Variants in ZNF805 observed in about 807,000 individuals in gnomAD.
The protein encoded by ZNF805 is zinc finger protein 805.
ZNF805 carries 7 observed loss-of-function variants against 13.6 expected under a neutral mutation model. That is an observed-to-expected ratio of 0.51 (90% confidence interval 0.29 to 0.97). The LOEUF (loss-of-function observed/expected upper bound fraction) is 0.97, where lower values mean the gene tolerates loss of function less well. Among genes scored for constraint, ZNF805 ranks in the 50% least tolerant of loss-of-function variants. The probability of loss-of-function intolerance (pLI) is 0.08; values close to 1 mark genes in which losing one functional copy is unlikely to be tolerated. For synonymous variants in ZNF805, 293 were observed against 279.8 expected (o/e 1.05, Z -0.47); for missense variants, 604 against 771.0 (o/e 0.78, Z 2.57).
intron 2 of ZNF805, among the ~76,000 whole-genome samples, chr19:57,245,977 C>G (rs1025513099): frequency 6.6e-6 from 1 of 152,222 alleles, no homozygotes; most frequent in African/African-American, 2.4e-5. Context: ...GACACTACAT[C>G]AGCTGGTGCT....
chr19:57,242,246 C>T (rs898929721), intron 1 of ZNF805, among the ~76,000 whole-genome samples: 8 of 152,228 alleles, frequency 5.3e-5, no homozygotes, highest in Non-Finnish European at 1.2e-4. Flanking sequence ...AGACAGTTGG[C>T]TGAGAAGCCC....
Position 57,254,407 on chromosome 19 carries a change from T to A in ZNF805, c.1588T>A (p.Ser530Thr). ...FCWSTNLIRH[S>T]IIHTGEKPYE... ...CTGGAGCACAAACCTCATTCGACAC[T>A]CTATCATCCACACTGGAGAGAAGCC... The change falls in exon 4 of 4, where the codon TCT becomes ACT. Residue 530 changes from serine to threonine, a missense_variant. Physicochemically the swap from Ser to Thr is moderately conservative, Grantham distance 58. Around this residue, in one of 3 missense-constraint regions of ZNF805, gnomAD observed 228 missense variants for 352.8 expected, o/e 0.65. Transcript: ENST00000414468. 6.2e-7 allele frequency: 1 copy of A among 1,613,760 alleles called. No individual in the cohort carries two copies.
chr19:57,249,103 G>A (rs1416438107), intron 3 of ZNF805, among the ~76,000 whole-genome samples: 1 of 152,150 alleles, frequency 6.6e-6, no homozygotes, highest in Non-Finnish European at 1.5e-5. Context: ...GGGTCAGCAG[G>A]GAACTCTGTA....
At chr19:57,244,199 CTT>C (rs1200854107) in intron 2 of ZNF805, 150 bp downstream of exon 2, 13,489 of 286,750 alleles carry the variant, frequency 0.047, no homozygotes, top group East Asian at 0.075. Flanking sequence ...TCACCTCTTC[CTT>C]TTTTTTTTTT....
Position 57,256,143 on chromosome 19 carries a change from A to G in ZNF805, c.*1440A>G, listed in dbSNP as rs1447303027. 6.6e-6 allele frequency among the ~76,000 whole-genome samples: 1 copy of G among 152,084 alleles called. No homozygotes were observed. The highest frequency in any genetic ancestry group is 6.5e-5 in the Admixed American group (1 of 15,274). ...TGATGTGTTACCTTGATTGAGTTTCAAGTATTGAACCAGCCTCACATCTTT... is the reference window on the plus strand; with the variant it reads ...TGATGTGTTACCTTGATTGAGTTTCGAGTATTGAACCAGCCTCACATCTTT... On this transcript the variant is annotated 3_prime_UTR_variant, in exon 4 of 4. Transcript: ENST00000414468.
chr19:57,244,974 G>A (rs7260474), intron 2 of ZNF805, among the ~76,000 whole-genome samples: 27,568 of 151,676 alleles, frequency 0.18, 2,588 homozygotes, highest in African/African-American at 0.22. Context: ...GTTCCAGAGC[G>A]GGATCTGCCT....
At chr19:57,245,636 G>T (rs537067649) in intron 2 of ZNF805, among the ~76,000 whole-genome samples, 2 of 149,988 alleles carry the variant, frequency 1.3e-5, no homozygotes, top group African/African-American at 4.9e-5. Flanking sequence ...AAAATTAGCC[G>T]GGCGTGGTGG....
rs2087722978 is a variant in ZNF805, at chr19:57,261,376, G to C, written c.*6673G>C. On this transcript the variant is annotated 3_prime_UTR_variant, in exon 4 of 4. Transcript: ENST00000414468. ...GGGCTAAGGCATGCATGTTGTTTTA[G>C]GTGTGTTTGAGATGCCTGAAGAACA... The C allele has an allele frequency of 6.0e-6, 1 of 166,988 alleles. No homozygotes were observed. The highest frequency in any genetic ancestry group is 1.5e-5 in the Non-Finnish European group (1 of 68,094). The allele number at this position is 166,988 out of a possible 1,614,324, so 10.3% of individuals were successfully genotyped here.
chr19:57,260,828 G>A lies in ZNF805; in HGVS notation c.*6125G>A, dbSNP rs921834110. 6.6e-6 allele frequency among the ~76,000 whole-genome samples: 1 copy of A among 152,162 alleles called. No homozygotes were observed. The highest frequency in any genetic ancestry group is 2.4e-5 in the African/African-American group (1 of 41,430). ...CACTGAGCCTATATGCATGTATCAT[G>A]TGGCCATGACCTTGGCCGTGGGGAT... On this transcript the variant is annotated 3_prime_UTR_variant, in exon 4 of 4. Transcript: ENST00000414468.
At chr19:57,244,794 T>C (rs73629329) in intron 2 of ZNF805, among the ~76,000 whole-genome samples, 2,714 of 152,074 alleles carry the variant, frequency 0.018, 90 homozygotes, top group African/African-American at 0.062. Flanking sequence ...CCACCCCAGG[T>C]TTTACTGTTT....
At position 57,255,981 on chromosome 19, in the gene ZNF805, G is replaced by A. The variant is rs571121649; in HGVS notation, c.*1278G>A. 1.3e-5 allele frequency among the ~76,000 whole-genome samples: 2 copies of A among 151,960 alleles called. No homozygotes were observed. Among genetic ancestry groups the A allele is most frequent in the Non-Finnish European group, 2.9e-5 (2 of 67,928 alleles). The stretch of plus-strand genomic sequence containing the variant: ...GTTGCTTCCAAAGAGTTTCTCTATC[G>A]AGTTTAGAAAGTTTCCCTCTATTCC... On this transcript the variant is annotated 3_prime_UTR_variant, in exon 4 of 4. Coordinates refer to ENST00000414468, the MANE Select transcript of ZNF805 (RefSeq NM_001023563.4).
rs1181283726 is a variant in ZNF805, at chr19:57,259,841, G to C, written c.*5138G>C. On this transcript the variant is annotated 3_prime_UTR_variant, in exon 4 of 4. Transcript: ENST00000414468. The stretch of plus-strand genomic sequence containing the variant: ...TCTTTTGTACATCTTTGATTTCTTT[G>C]CTTAGTTTATAATACTAAAGGGCTC... Among the ~76,000 whole-genome samples the C allele has an allele frequency of 2.0e-5, 3 of 152,078 alleles. No homozygotes were observed. The highest frequency in any genetic ancestry group is 4.4e-5 in the Non-Finnish European group (3 of 68,014).
intron 3 of ZNF805, among the ~76,000 whole-genome samples, chr19:57,249,030 A>G (rs955784726): frequency 1.4e-4 from 22 of 152,166 alleles, no homozygotes; most frequent in African/African-American, 5.1e-4. Flanking sequence ...TGTATCCAAC[A>G]AACTCCAAAA....
In ZNF805 at chr19:57,240,713, G is replaced by A. The variant is rs2087573309; in HGVS notation, c.-179G>A. ...CGGCGCTGGGGAAATGAGCAGGTAGGAGGCCGACAGCGACCTCCGCGTCTC... is the reference window on the plus strand; with the variant it reads ...CGGCGCTGGGGAAATGAGCAGGTAGAAGGCCGACAGCGACCTCCGCGTCTC... On this transcript the variant is annotated 5_prime_UTR_variant, in exon 1 of 4. Coordinates refer to ENST00000414468, the MANE Select transcript of ZNF805 (RefSeq NM_001023563.4). The A allele has an allele frequency of 5.4e-6, 3 of 553,402 alleles. No homozygotes were observed. The highest frequency in any genetic ancestry group is 9.4e-6 in the Non-Finnish European group (3 of 317,656). The allele number at this position is 553,402 out of a possible 1,614,324, so 34.3% of individuals were successfully genotyped here. A position where few individuals can be genotyped will look rare whatever the true frequency, so the allele number is the denominator to read the frequency against.
Position 57,254,847 on chromosome 19 carries a change from A to G in ZNF805, c.*144A>G, listed in dbSNP as rs1343362169. The G allele has an allele frequency of 2.5e-6, 2 of 793,160 alleles. No homozygotes were observed. Among genetic ancestry groups the G allele is most frequent in the Admixed American group, 6.1e-5 (2 of 32,826 alleles). 49.1% of individuals were successfully genotyped at this position (793,160 alleles called of 1,614,324 possible). A position where few individuals can be genotyped will look rare whatever the true frequency, so the allele number is the denominator to read the frequency against. On this transcript the variant is annotated 3_prime_UTR_variant, in exon 4 of 4. Transcript: ENST00000414468. The stretch of plus-strand genomic sequence containing the variant: ...CGCACTTGGGAAAACCTTTAGCTCC[A>G]TCTTTCTCATTAGTTTACAGTGCAA...
Position 57,253,114 on chromosome 19 carries a change from G to C in ZNF805, c.295G>C (p.Glu99Gln), listed in dbSNP as rs1456175917. The change falls in exon 4 of 4, where the codon GAG (glutamate) becomes CAG (glutamine). Residue 99 changes from glutamate to glutamine, a missense_variant. By Grantham distance (29) the Glu-to-Gln change is conservative. This residue lies in a region of ZNF805 where 327 missense variants were observed against 378.2 expected (regional missense o/e 0.86). Coordinates refer to ENST00000414468, the MANE Select transcript of ZNF805 (RefSeq NM_001023563.4). This position sits in a 1 kb window ranked among gnomAD's most constrained non-coding sequence, Gnocchi z 4.4. ...CAAGAGCACAGAACCTACCACCTGT[G>C]AGCTAGCCTTGTCTGAAGGAATCTC... Reference protein sequence around the residue: ...KPKSTEPTTCELALSEGISFW... With the variant: ...KPKSTEPTTCQLALSEGISFW... The C allele has an allele frequency of 6.6e-7, 1 of 1,504,886 alleles. No homozygotes were observed. Among genetic ancestry groups the C allele is most frequent in the Non-Finnish European group, 8.8e-7 (1 of 1,131,004 alleles). 93.2% of individuals were successfully genotyped at this position (1,504,886 alleles called of 1,614,324 possible). A position where few individuals can be genotyped will look rare whatever the true frequency, so the allele number is the denominator to read the frequency against.
intron 2 of ZNF805, 85 bp from the exon 3 acceptor site, chr19:57,248,520 C>T (rs780429487): frequency 4.1e-5 from 51 of 1,250,108 alleles, no homozygotes; most frequent in African/African-American, 1.5e-4. Context: ...AGGTCTGGTC[C>T]CCATCCTGAA....
Position 57,255,394 on chromosome 19 carries a change from A to C in ZNF805, c.*691A>C, listed in dbSNP as rs1318499496. Among the ~76,000 whole-genome samples the C allele has an allele frequency of 1.3e-5, 2 of 152,100 alleles. No homozygotes were observed. The highest frequency in any genetic ancestry group is 2.9e-5 in the Non-Finnish European group (2 of 67,986). ...TAGGATTGGTTTTTCTGTTTTTCAA[A>C]TATTCTTGCTTGGATTTTGATAGAA... On this transcript the variant is annotated 3_prime_UTR_variant, in exon 4 of 4. Transcript: ENST00000414468.
In ZNF805 at chr19:57,260,011, T is replaced by G. The variant is rs757290665; in HGVS notation, c.*5308T>G. On this transcript the variant is annotated 3_prime_UTR_variant, in exon 4 of 4. Coordinates refer to ENST00000414468, the MANE Select transcript of ZNF805 (RefSeq NM_001023563.4). ...TCTTAAATATTTCTGTCAACAGATC[T>G]TATATCAGGGTGATCTGCATATCAT... is the stretch of plus-strand genomic sequence containing the variant. Among the ~76,000 whole-genome samples, 3 of 152,206 alleles carry G rather than the reference T, an allele frequency of 2.0e-5. No individual in the cohort carries two copies. The highest frequency in any genetic ancestry group is 2.1e-4 in the South Asian group (1 of 4,832).
Sources: gnomAD v4.1 joint callset for allele counts (sites outside exome capture counted in the v4.1 genomes callset) on GRCh38, gnomAD v4.1.1 for gene constraint, gnomAD v4.1.1 regional missense constraint, Gnocchi (gnomAD v3.1) non-coding constraint, MANE v1.5 for transcripts, NCBI Gene and HGNC (gene_info 2026-07-23, HGNC 2026-07-21) for gene names.